CTIF: variants seen among roughly 807,000 people sequenced by gnomAD.
CTIF encodes the protein CBP80/20-dependent translation initiation factor.
CTIF carries 21 observed loss-of-function variants against 66.0 expected under a neutral mutation model. The ratio of observed to expected loss-of-function variants is 0.32; its 90% CI spans 0.23 to 0.46. The LOEUF (loss-of-function observed/expected upper bound fraction) is 0.46. Ranked by LOEUF, CTIF falls within the 20% of genes least tolerant of loss-of-function variation. The pLI is 1.00. For missense variants in CTIF, 739 were observed against 812.7 expected (o/e 0.91, Z 1.10); for synonymous variants, 345 against 326.4 (o/e 1.06, Z -0.62).
intron 1 of CTIF, among the ~76,000 whole-genome samples, chr18:48,616,878 G>A (rs1301800592): frequency 1.3e-5 from 2 of 152,204 alleles, no homozygotes; most frequent in African/African-American, 4.8e-5. Flanking sequence ...CAGGTGACAG[G>A]TTCAGTGTGA....
intron 9 of CTIF, among the ~76,000 whole-genome samples, chr18:48,813,845 C>G (rs2068308967): frequency 6.6e-6 from 1 of 152,246 alleles, no homozygotes; most frequent in African/African-American, 2.4e-5. Context: ...CACAGCATTT[C>G]ACCCAGTCTC....
At chr18:48,613,384 A>G (rs1568073306) in intron 1 of CTIF, among the ~76,000 whole-genome samples, 1 of 152,158 alleles carries the variant, frequency 6.6e-6, no homozygotes. Context: ...CGGTGTTCAC[A>G]GAAACCCCTT....
intron 7 of CTIF, among the ~76,000 whole-genome samples, chr18:48,735,831 C>T (rs1321081631): frequency 6.6e-6 from 1 of 152,176 alleles, no homozygotes; most frequent in African/African-American, 2.4e-5. Context: ...CTCCAGTCCT[C>T]CCTGCGAGCT....
In CTIF at chr18:48,863,194, T is replaced by TAAATAAAC; in HGVS notation, c.*3638_*3639insTAAACAAA. On this transcript the variant is annotated 3_prime_UTR_variant, in exon 12 of 12. Transcript: ENST00000256413. ...CAAACTACAAGTGGGTTTAAAAAAA[T>TAAATAAAC]AAACACCACCACCAAAAACAAAATG... 1 of 151,772 alleles carries TAAATAAAC rather than the reference T, an allele frequency of 6.6e-6. No individual in the cohort carries two copies. Among genetic ancestry groups the TAAATAAAC allele is most frequent in the South Asian group, 2.1e-4 (1 of 4,816 alleles). The allele number at this position is 151,772 out of a possible 1,614,324, so 9.4% of individuals were successfully genotyped here. A position where few individuals can be genotyped will look rare whatever the true frequency, so the allele number is the denominator to read the frequency against.
intron 1 of CTIF, among the ~76,000 whole-genome samples, chr18:48,589,765 G>A (rs995279190): frequency 1.3e-5 from 2 of 152,186 alleles, no homozygotes; most frequent in Non-Finnish European, 1.5e-5. Context: ...TTCTTTGTGT[G>A]GGGGGAGCTG....
At chr18:48,795,426 G>C (rs1326511697) in intron 9 of CTIF, among the ~76,000 whole-genome samples, 1 of 152,212 alleles carries the variant, frequency 6.6e-6, no homozygotes, top group Non-Finnish European at 1.5e-5. Flanking sequence ...ATGCAAGCCT[G>C]TACTTCACCT....
At chr18:48,678,981 A>C (rs961976318) in intron 6 of CTIF, among the ~76,000 whole-genome samples, 1 of 152,248 alleles carries the variant, frequency 6.6e-6, no homozygotes, top group Non-Finnish European at 1.5e-5. Context: ...CTGTGACTGC[A>C]TTTGTGCCAC....
At position 48,730,512 on chromosome 18, in the gene CTIF, T is replaced by TCCGCGGTGTGAGGGGCCC. The variant is rs2092439676; in HGVS notation, c.584+18818_584+18819insCGCGGTGTGAGGGGCCCC. ...AGGGGCTTCTGCGGTGTGAGGGGCT[T>TCCGCGGTGTGAGGGGCCC]CTGCGGTGTGAGGGGCCCCTGTGGT... On this transcript the variant is annotated intron_variant, in intron 7 of 11. Coordinates refer to ENST00000256413, the MANE Select transcript of CTIF (RefSeq NM_014772.3). Among the ~76,000 whole-genome samples, 4 of 35,398 alleles carry TCCGCGGTGTGAGGGGCCC rather than the reference T, an allele frequency of 1.1e-4. 1 individual carries two copies. The highest frequency in any genetic ancestry group is 3.0e-4 in the African/African-American group (3 of 9,958). The allele number at this position is 35,398 out of a possible 152,430, so 23.2% of individuals were successfully genotyped here. A position where few individuals can be genotyped will look rare whatever the true frequency, so the allele number is the denominator to read the frequency against.
At chr18:48,706,746 T>C (rs1195093629) in intron 6 of CTIF, among the ~76,000 whole-genome samples, 1 of 152,192 alleles carries the variant, frequency 6.6e-6, no homozygotes, top group Non-Finnish European at 1.5e-5. Context: ...TGTCATGTCT[T>C]CTGCAAGCAC....
intron 7 of CTIF, among the ~76,000 whole-genome samples, chr18:48,740,355 C>T (rs2092543139): frequency 1.3e-5 from 2 of 152,214 alleles, no homozygotes. Context: ...CTCCAGAGTC[C>T]TCCAAAACCT....
chr18:48,732,057 A>C (rs1297017931), intron 7 of CTIF, among the ~76,000 whole-genome samples: 1 of 152,230 alleles, frequency 6.6e-6, no homozygotes, highest in East Asian at 1.9e-4. Flanking sequence ...TGAATCTTCC[A>C]ACACCCCGAA....
intron 6 of CTIF, among the ~76,000 whole-genome samples, chr18:48,680,566 A>G (rs1598857187): frequency 6.6e-6 from 1 of 152,304 alleles, no homozygotes; most frequent in African/African-American, 2.4e-5. Flanking sequence ...AGGCAGACCC[A>G]CCCTGCACAC....
At chr18:48,693,101 A>G (rs1380436384) in intron 6 of CTIF, among the ~76,000 whole-genome samples, 2 of 152,158 alleles carry the variant, frequency 1.3e-5, no homozygotes, top group Non-Finnish European at 2.9e-5. Context: ...ATGAGCATAT[A>G]TGTGTTGCCA....
chr18:48,624,376 C>T (rs886346304), intron 2 of CTIF, among the ~76,000 whole-genome samples: 10 of 152,184 alleles, frequency 6.6e-5, no homozygotes, highest in Non-Finnish European at 2.9e-5. Flanking sequence ...ATCCCCACCC[C>T]ACCTACTTCT....
chr18:48,701,364 C>G (rs1035425746), intron 6 of CTIF, among the ~76,000 whole-genome samples: 3 of 152,226 alleles, frequency 2.0e-5, no homozygotes, highest in African/African-American at 7.2e-5. Context: ...CACTCCAGTT[C>G]CATTCTCTTG....
chr18:48,663,905 G>C, intron 4 of CTIF, 80 bp downstream of exon 4: 1 of 1,232,240 alleles, frequency 8.1e-7, no homozygotes, highest in Non-Finnish European at 1.2e-6. Context: ...AATGAACGCT[G>C]ATGGTTCATG....
intron 10 of CTIF, among the ~76,000 whole-genome samples, chr18:48,819,494 A>T (rs1363069810): frequency 6.6e-6 from 1 of 152,178 alleles, no homozygotes; most frequent in Non-Finnish European, 1.5e-5. Context: ...AGAGGGAGGC[A>T]AGGCTGTAGC....
At chr18:48,816,907 C>G (rs1317921312) in intron 9 of CTIF, among the ~76,000 whole-genome samples, 1 of 152,190 alleles carries the variant, frequency 6.6e-6, no homozygotes, top group Non-Finnish European at 1.5e-5. Context: ...GGTGTCACCT[C>G]CCGTTCTACC....
Position 48,859,324 on chromosome 18 carries a change from C to T in CTIF, c.1582-20C>T. On this transcript the variant is annotated intron_variant, in intron 11 of 11. Coordinates refer to ENST00000256413, the MANE Select transcript of CTIF (RefSeq NM_014772.3). ...ACTGTGGGACCCGAGGCCATCCTAA[C>T]CCCACATCTCTGTCTGCAGCTGCAG... 2 of 1,611,866 alleles carry T rather than the reference C, an allele frequency of 1.2e-6. No homozygotes were observed. Among genetic ancestry groups the T allele is most frequent in the Non-Finnish European group, 1.7e-6 (2 of 1,178,236 alleles).
Sources: gnomAD v4.1 joint callset for allele counts (sites outside exome capture counted in the v4.1 genomes callset) on GRCh38, gnomAD v4.1.1 for gene constraint, MANE v1.5 for transcripts, NCBI Gene and HGNC (gene_info 2026-07-23, HGNC 2026-07-21) for gene names.